The following SNX1 variants were observed in gnomAD, a reference collection of about 807,000 sequenced individuals.
SNX1 encodes the protein sorting nexin-1.
In SNX1, 36 loss-of-function variants were observed where a neutral mutation model predicts 71.8. The observed-to-expected ratio is 0.50, with a 90% CI of 0.38 to 0.66. The LOEUF is 0.66. SNX1 is among the 30% of genes least tolerant of loss of function. SNX1 has a pLI of 0.00. For missense variants in SNX1, 612 were observed against 646.7 expected (o/e 0.95, Z 0.58); for synonymous variants, 254 against 240.7 (o/e 1.06, Z -0.51).
At chr15:64,132,662 G>A (rs935779148) in intron 11 of SNX1, among the ~76,000 whole-genome samples, 4 of 152,162 alleles carry the variant, frequency 2.6e-5, no homozygotes, top group Non-Finnish European at 5.9e-5. Context: ...CCTTGATTTC[G>A]CTTGGGATCA....
chr15:64,098,020 C>T (rs2080921225), intron 1 of SNX1, among the ~76,000 whole-genome samples: 1 of 152,178 alleles, frequency 6.6e-6, no homozygotes, highest in Admixed American at 6.5e-5. Context: ...TTGTGACTGT[C>T]ATAAAACAGG....
rs1289238883 is a variant in SNX1 at position 64,134,515 on chromosome 15, ACTT to A, written c.1222-147_1222-145del. On this transcript the variant is annotated intron_variant, in intron 11 of 14. Transcript: ENST00000559844. This position sits in a 1 kb window ranked among gnomAD's most constrained non-coding sequence, Gnocchi z 4.1. ...CCCAAGCTTTGCTCCTAGACATTAA[ACTT>A]CCCAGCTGGGCACTAACATGTGGCT... The A allele has an allele frequency of 1.1e-6, 1 of 891,214 alleles. No homozygotes were observed. The highest frequency in any genetic ancestry group is 1.7e-6 in the Non-Finnish European group (1 of 600,788). The allele number at this position is 891,214 out of a possible 1,614,324, so 55.2% of individuals were successfully genotyped here. A position where few individuals can be genotyped will look rare whatever the true frequency, so the allele number is the denominator to read the frequency against.
At position 64,107,609 on chromosome 15, in the gene SNX1, T is replaced by G. The variant is rs2081035530; in HGVS notation, c.160-4964T>G. ...CTCTGCAAATTAGTATTGGTCTGTC[T>G]GTATGCTCTTTTAATTATAAACAGA... On this transcript the variant is annotated intron_variant, in intron 1 of 14. Transcript: ENST00000559844. Among the ~76,000 whole-genome samples, 2 of 152,188 alleles carry G rather than the reference T, an allele frequency of 1.3e-5. 1 individual carries two copies.
At position 64,144,065 on chromosome 15, in the gene SNX1, T is replaced by C. The variant is rs1438657366; in HGVS notation, c.*6447T>C. On this transcript the variant is annotated 3_prime_UTR_variant, in exon 15 of 15. Coordinates refer to ENST00000559844, the MANE Select transcript of SNX1 (RefSeq NM_003099.5). The surrounding 1 kb of genome is among the most constrained non-coding windows in gnomAD (Gnocchi z 4.3). ...TGATATTCACATTTATATAAAACTT[T>C]ATATATGGGAAGGATGTTGATTGAA... The C allele has an allele frequency of 6.6e-6, 1 of 151,824 alleles. No homozygotes were observed. Among genetic ancestry groups the C allele is most frequent in the Non-Finnish European group, 1.5e-5 (1 of 68,032 alleles). The allele number at this position is 151,824 out of a possible 1,614,324, so 9.4% of individuals were successfully genotyped here.
At chr15:64,100,724 GGAAAGGACAT>G (rs1472892021) in intron 1 of SNX1, among the ~76,000 whole-genome samples, 1 of 151,990 alleles carries the variant, frequency 6.6e-6, no homozygotes, top group Admixed American at 6.5e-5. Flanking sequence ...CATTTAGGCA[GGAAAGGACAT>G]GGTCTTTTCA....
chr15:64,131,345 C>G (rs1373740166), intron 10 of SNX1, among the ~76,000 whole-genome samples: 1 of 152,166 alleles, frequency 6.6e-6, no homozygotes, highest in East Asian at 1.9e-4. Context: ...GGCTACCACT[C>G]ATGAGCTTCA....
intron 9 of SNX1, 37 bp from the exon 10 acceptor site, chr15:64,130,191 A>C (rs765799201): frequency 6.3e-7 from 1 of 1,582,102 alleles, no homozygotes; most frequent in South Asian, 1.1e-5. Context: ...CACCCATAAA[A>C]GTAATCTCAT....
chr15:64,116,779 A>G (rs553307204), intron 2 of SNX1, among the ~76,000 whole-genome samples: 5 of 152,332 alleles, frequency 3.3e-5, no homozygotes, highest in Non-Finnish European at 7.4e-5. Flanking sequence ...TTGAAAGTGC[A>G]TTCTTTTTAT....
intron 1 of SNX1, among the ~76,000 whole-genome samples, chr15:64,097,621 A>AG (rs1362775139): frequency 6.6e-6 from 1 of 152,186 alleles, no homozygotes; most frequent in Non-Finnish European, 1.5e-5. Context: ...TTAGAAAAAA[A>AG]TAATCTTTGT....
intron 14 of SNX1, 88 bp downstream of exon 14, chr15:64,137,020 G>A: frequency 9.7e-7 from 1 of 1,033,446 alleles, no homozygotes; most frequent in East Asian, 2.4e-5. Context: ...AGATGTGCAG[G>A]CCCTGCTTCT....
At chr15:64,105,020 A>T (rs1003595921) in intron 1 of SNX1, among the ~76,000 whole-genome samples, 1 of 151,938 alleles carries the variant, frequency 6.6e-6, no homozygotes, top group African/African-American at 2.4e-5. Flanking sequence ...GGATCACCTG[A>T]GGTCAGGAGT....
chr15:64,110,847 T>C (rs2081071391), intron 1 of SNX1, among the ~76,000 whole-genome samples: 1 of 152,216 alleles, frequency 6.6e-6, no homozygotes, highest in African/African-American at 2.4e-5. Flanking sequence ...ATATTCTTAG[T>C]CATTAACCTT....
rs148981595 is a variant in SNX1, at chr15:64,129,474, G to A, written c.808-442G>A. On this transcript the variant is annotated intron_variant, in intron 8 of 14. Coordinates refer to ENST00000559844, the MANE Select transcript of SNX1 (RefSeq NM_003099.5). The surrounding 1 kb of genome is among the most constrained non-coding windows in gnomAD (Gnocchi z 4.4). ...CTGAATCAATAATTTTCTTGTCCTC[G>A]GATATTTGTTCACTGAAGAAAATTC... Among the ~76,000 whole-genome samples the A allele has an allele frequency of 4.6e-5, 7 of 152,182 alleles. No homozygotes were observed. The highest frequency in any genetic ancestry group is 1.0e-4 in the Non-Finnish European group (7 of 68,004).
chr15:64,132,270 G>T, intron 11 of SNX1: 1 of 246,610 alleles, frequency 4.1e-6, no homozygotes. Context: ...TTTGGTCTTT[G>T]CCTCCTTAAC....
intron 1 of SNX1, among the ~76,000 whole-genome samples, chr15:64,104,075 T>C (rs1034073122): frequency 1.3e-5 from 2 of 152,120 alleles, no homozygotes; most frequent in African/African-American, 2.4e-5. Context: ...AAAAAAGTGA[T>C]AGGTATATGC....
Position 64,134,779 on chromosome 15 carries a change from T to A in SNX1, c.1337T>A (p.Leu446Gln). 1 of 1,613,988 alleles carries A rather than the reference T, an allele frequency of 6.2e-7. No individual in the cohort carries two copies. Among genetic ancestry groups the A allele is most frequent in the Non-Finnish European group, 8.5e-7 (1 of 1,180,016 alleles). The change falls in exon 12 of 15, where the codon CTG (leucine) becomes CAG (glutamine). Residue 446 changes from leucine to glutamine, a missense_variant. Coordinates refer to ENST00000559844, the MANE Select transcript of SNX1 (RefSeq NM_003099.5). This position sits in a 1 kb window ranked among gnomAD's most constrained non-coding sequence, Gnocchi z 4.1. ...CTGTGGGCCAACAAGCCTGATAAGCTGCAGCAGGCCAAGGACGAGATCCTC... is the reference window on the plus strand; with the variant it reads ...CTGTGGGCCAACAAGCCTGATAAGCAGCAGCAGGCCAAGGACGAGATCCTC... ...RLLWANKPDK[L>Q]QQAKDEILEW...
At chr15:64,105,123 T>G (rs2081006939) in intron 1 of SNX1, among the ~76,000 whole-genome samples, 2 of 149,362 alleles carry the variant, frequency 1.3e-5, no homozygotes, top group African/African-American at 2.5e-5. Context: ...TAATCCCAGC[T>G]ACTCAGGAGG....
At position 64,129,918 on chromosome 15, in the gene SNX1, G is replaced by A; in HGVS notation, c.810G>A (p.Leu270=). 1 of 1,612,774 alleles carries A rather than the reference G, an allele frequency of 6.2e-7. No homozygotes were observed. The highest frequency in any genetic ancestry group is 2.2e-5 in the East Asian group (1 of 44,876). ...TCCCTGCCTTCTTGGTCTTGTAGCT[G>A]CCACGTGCCGTGGGTACCCAGACAT... ...DVREFLEKEE[L]PRAVGTQTLS... Residue 270 remains leucine (L), a splice_region_variant and synonymous_variant, in exon 9 of 15, where the codon CTG becomes CTA. Transcript: ENST00000559844. This position sits in a 1 kb window ranked among gnomAD's most constrained non-coding sequence, Gnocchi z 4.4.
chr15:64,115,310 A>G (rs1173902578), intron 2 of SNX1, among the ~76,000 whole-genome samples: 2 of 152,204 alleles, frequency 1.3e-5, no homozygotes, highest in Non-Finnish European at 2.9e-5. Flanking sequence ...TCTAGAATGG[A>G]AAGTCTACAA....
Sources: allele counts gnomAD v4.1 joint callset (sites outside exome capture counted in the v4.1 genomes callset), GRCh38; gene constraint gnomAD v4.1.1; non-coding constraint Gnocchi (gnomAD v3.1); transcripts MANE v1.5; gene names NCBI Gene and HGNC (gene_info 2026-07-23, HGNC 2026-07-21).